Variants in IGSF22 observed in about 807,000 individuals in gnomAD.
IGSF22 encodes immunoglobulin superfamily, member 22.
IGSF22 carries 119 observed loss-of-function variants against 127.0 expected under a neutral mutation model. The ratio of observed to expected loss-of-function variants is 0.94; its 90% CI spans 0.81 to 1.09. The LOEUF (loss-of-function observed/expected upper bound fraction) is 1.09, where lower values mean the gene tolerates loss of function less well. Ranked by LOEUF, IGSF22 falls within the 50% of genes least tolerant of loss-of-function variation. The probability of loss-of-function intolerance (pLI) is 0.00; values close to 1 mark genes in which losing one functional copy is unlikely to be tolerated. For missense variants in IGSF22, 1,518 were observed against 1,716.6 expected (o/e 0.88, Z 2.04); for synonymous variants, 568 against 664.7 (o/e 0.85, Z 2.24).
At chr11:18,725,556 TCAGGCTCCCGAGTAGCTGGGACTA>T (rs1213348494) in intron 1 of IGSF22, among the ~76,000 whole-genome samples, 6 of 152,300 alleles carry the variant, frequency 3.9e-5, no homozygotes, top group African/African-American at 1.4e-4. Flanking sequence ...TTCTCCTGCC[TCAGGCTCCCGAGTAGCTGGGACTA>T]CAGGCACCCG....
At position 18,714,483 on chromosome 11, in the gene IGSF22, T is replaced by C; in HGVS notation, c.1656+17A>G. 1.2e-6 allele frequency: 2 copies of C among 1,614,216 alleles called. No homozygotes were observed. The highest frequency in any genetic ancestry group is 1.6e-4 in the Middle Eastern group (1 of 6,062). ...GGTCTACCTCCTTCACCCCCTTCCC[T>C]GGCCTCTGCTTCAGACCTCCTTGCC... On this transcript the variant is annotated intron_variant, in intron 12 of 22. Transcript: ENST00000513874.
intron 16 of IGSF22, 49 bp from the exon 17 acceptor site, chr11:18,710,504 G>A (rs1271367390): frequency 6.2e-7 from 1 of 1,608,938 alleles, no homozygotes. Context: ...TCCATGGGGT[G>A]AGAACAAGAG....
At position 18,715,430 on chromosome 11, in the gene IGSF22, AC is replaced by A; in HGVS notation, c.1531+1del. On this transcript the variant is annotated splice_donor_variant, in intron 11 of 22. Coordinates refer to ENST00000513874, the MANE Select transcript of IGSF22 (RefSeq NM_173588.4). LOFTEE classifies it high-confidence loss of function. ...AGTGGGGATTGATAGGGCGGGTGTTACCCTCCACAGTGACGATGGCAGTACT... is the reference window on the plus strand; with the variant it reads ...AGTGGGGATTGATAGGGCGGGTGTTACCTCCACAGTGACGATGGCAGTACT... 1 of 1,606,132 alleles carries A rather than the reference AC, an allele frequency of 6.2e-7. No individual in the cohort carries two copies.
intron 1 of IGSF22, among the ~76,000 whole-genome samples, chr11:18,724,751 C>T (rs932218557): frequency 6.6e-6 from 1 of 152,182 alleles, no homozygotes; most frequent in Non-Finnish European, 1.5e-5. Context: ...GATGACAAAA[C>T]ATCACTACAA....
intron 17 of IGSF22, among the ~76,000 whole-genome samples, chr11:18,710,023 AC>A (rs1428853731): frequency 6.6e-6 from 1 of 151,980 alleles, no homozygotes; most frequent in Non-Finnish European, 1.5e-5. Context: ...TAAATGCAAC[AC>A]CCTCCAACCA....
At chr11:18,710,586 A>T in intron 16 of IGSF22, 69 bp downstream of exon 16, 3 of 1,583,210 alleles carry the variant, frequency 1.9e-6, no homozygotes, top group Non-Finnish European at 2.6e-6. Context: ...GGACTGTGTC[A>T]GTAGTTAATG....
At chr11:18,713,633 T>C (rs1590443666) in intron 14 of IGSF22, among the ~76,000 whole-genome samples, 2 of 152,260 alleles carry the variant, frequency 1.3e-5, no homozygotes, top group South Asian at 4.1e-4. Context: ...AAAATCACCC[T>C]GTTCCAGGTA....
Position 18,714,343 on chromosome 11 carries a change from C to T in IGSF22, c.1732G>A (p.Glu578Lys), listed in dbSNP as rs1564871902. 5.0e-6 allele frequency: 8 copies of T among 1,614,244 alleles called. 1 individual carries two copies. In the East Asian group the frequency reaches 1.3e-4, roughly 27 times the overall value. Reference sequence around the variant, plus strand: ...CGGAATGTGTACTTGCCCTCGTGCTCAGGGCCCATACTGGGAAAGATGAGC... The same window carrying T: ...CGGAATGTGTACTTGCCCTCGTGCTTAGGGCCCATACTGGGAAAGATGAGC... ...HKLIFPSMGPEHEGKYTFRAK... is the reference protein window; with the variant it reads ...HKLIFPSMGPKHEGKYTFRAK... Residue 578 changes from glutamate (E) to lysine (K), a missense_variant, in exon 13 of 23, where the codon GAG (glutamate) becomes AAG (lysine). Physicochemically the swap from Glu to Lys is moderately conservative, Grantham distance 56. Coordinates refer to ENST00000513874, the MANE Select transcript of IGSF22 (RefSeq NM_173588.4).
chr11:18,725,793 A>G (rs1848642799), intron 1 of IGSF22, among the ~76,000 whole-genome samples: 1 of 152,184 alleles, frequency 6.6e-6, no homozygotes, highest in Non-Finnish European at 1.5e-5. Context: ...TGATGTCTGA[A>G]AGAAATGACC....
chr11:18,725,264 T>A lies in IGSF22; in HGVS notation c.-34+810A>T, dbSNP rs146035956. Among the ~76,000 whole-genome samples, 89 of 151,004 alleles carry A rather than the reference T, an allele frequency of 5.9e-4. 1 individual carries two copies. Among genetic ancestry groups the A allele is most frequent in the African/African-American group, 2.1e-3 (87 of 41,126 alleles). ...TGCCTCAGCCTCCCCAGCAGCTGGG[T>A]TTACAGGCACGTGCCACCATGCCCA... On this transcript the variant is annotated intron_variant, in intron 1 of 22. Coordinates refer to ENST00000513874, the MANE Select transcript of IGSF22 (RefSeq NM_173588.4).
At position 18,713,565 on chromosome 11, in the gene IGSF22, T is replaced by C. The variant is rs985685185; in HGVS notation, c.2095+287A>G. Among the ~76,000 whole-genome samples the C allele has an allele frequency of 2.6e-5, 4 of 152,220 alleles. 1 individual carries two copies. In the South Asian group the frequency reaches 8.3e-4, roughly 32 times the overall value. ...TACTTAAGTAACATCTGAAAGTATA[T>C]TATGTCCTGTGTTCTTAGCTGTGCA... is the stretch of plus-strand genomic sequence containing the variant. On this transcript the variant is annotated intron_variant, in intron 14 of 22. Coordinates refer to ENST00000513874, the MANE Select transcript of IGSF22 (RefSeq NM_173588.4).
At chr11:18,711,149 A>C (rs1027676779) in intron 15 of IGSF22, among the ~76,000 whole-genome samples, 8 of 152,190 alleles carry the variant, frequency 5.3e-5, no homozygotes, top group African/African-American at 7.2e-5. Flanking sequence ...CAAAACAAAA[A>C]AAAAACCACT....
intron 10 of IGSF22, 53 bp from the exon 11 acceptor site, chr11:18,715,769 T>C: frequency 6.4e-7 from 1 of 1,560,562 alleles, no homozygotes; most frequent in Non-Finnish European, 8.7e-7. Flanking sequence ...ATCTTTTTTC[T>C]GCAGCTATAG....
At chr11:18,721,495 T>C in intron 4 of IGSF22, 40 bp downstream of exon 4, 1 of 1,613,752 alleles carries the variant, frequency 6.2e-7, no homozygotes, top group South Asian at 1.1e-5. Context: ...TCCCTGCCTC[T>C]GGCCTTCTCG....
In IGSF22 at chr11:18,716,959, C is replaced by T. The variant is rs1034252586; in HGVS notation, c.1015G>A (p.Val339Met). 6.2e-7 allele frequency: 1 copy of T among 1,614,204 alleles called. No homozygotes were observed. The change falls in exon 10 of 23, where the codon GTG becomes ATG. Residue 339 changes from valine (V) to methionine (M), a missense_variant. By Grantham distance (21) the Val-to-Met change is conservative (BLOSUM62 1). Transcript: ENST00000513874. This position sits in a 1 kb window ranked among gnomAD's most constrained non-coding sequence, Gnocchi z 4.5. ...AACACAGCTGTCTGGCGCTCTGTCACCTTCACAGGCTTCATCTCTCCCAGG... is the reference window on the plus strand; with the variant it reads ...AACACAGCTGTCTGGCGCTCTGTCATCTTCACAGGCTTCATCTCTCCCAGG... ...KFLGEMKPVK[V>M]TERQTAVFEI...
At chr11:18,711,943 A>G in intron 15 of IGSF22, 139 bp downstream of exon 15, 1 of 724,804 alleles carries the variant, frequency 1.4e-6, no homozygotes. Flanking sequence ...TTCTGTTTTT[A>G]CTCTGGAATC....
chr11:18,725,344 T>A (rs1274412395), intron 1 of IGSF22, among the ~76,000 whole-genome samples: 1 of 152,214 alleles, frequency 6.6e-6, no homozygotes, highest in Non-Finnish European at 1.5e-5. Flanking sequence ...GCCAGGCTGG[T>A]CTCAAACTCC....
chr11:18,713,891 G>A lies in IGSF22; in HGVS notation c.2056C>T (p.His686Tyr). 1.9e-6 allele frequency: 3 copies of A among 1,614,204 alleles called. No homozygotes were observed. Among genetic ancestry groups the A allele is most frequent in the Non-Finnish European group, 2.5e-6 (3 of 1,180,036 alleles). ...TGCAGAGTGGCCGTGGCTGAGCCGT[G>A]GTCATTCTTGAGCTTGAGCAGGATG... ...GLILLKLKND[H>Y]GSATATLHLS... The change falls in exon 14 of 23, where the codon CAC (histidine) becomes TAC (tyrosine). Residue 686 changes from histidine to tyrosine, a missense_variant. This residue lies in a region of IGSF22 where 1,456 missense variants were observed against 1,644.9 expected (regional missense o/e 0.89). Transcript: ENST00000513874.
Position 18,709,387 on chromosome 11 carries a change from C to A in IGSF22, c.2998G>T (p.Ala1000Ser). The part of the protein sequence containing the change: ...DKGVRAMPPP[A>S]APKFDLSARL... ...TCCCCAGCCCTCTCTGTGTCCTCACCTGGTGGTGGCATGGCACGGACCCCC... is the reference window on the plus strand; with the variant it reads ...TCCCCAGCCCTCTCTGTGTCCTCACATGGTGGTGGCATGGCACGGACCCCC... The change falls in exon 18 of 23, where the codon GCT becomes TCT. Residue 1000 changes from alanine to serine, a missense_variant and splice_region_variant. Ala to Ser is a moderately conservative substitution (Grantham distance 99). Transcript: ENST00000513874. This position sits in a 1 kb window ranked among gnomAD's most constrained non-coding sequence, Gnocchi z 4.8. 1 of 1,613,350 alleles carries A rather than the reference C, an allele frequency of 6.2e-7. No individual in the cohort carries two copies. Among genetic ancestry groups the A allele is most frequent in the Non-Finnish European group, 8.5e-7 (1 of 1,179,718 alleles).
Sources: allele counts gnomAD v4.1 joint callset (sites outside exome capture counted in the v4.1 genomes callset), GRCh38; gene constraint gnomAD v4.1.1; regional missense constraint gnomAD v4.1.1; non-coding constraint Gnocchi (gnomAD v3.1); transcripts MANE v1.5; gene names NCBI Gene and HGNC (gene_info 2026-07-23, HGNC 2026-07-21).